Variants in CREB5 observed in about 807,000 individuals in gnomAD.
The protein encoded by CREB5 is cyclic AMP-responsive element-binding protein 5.
In CREB5, 19 loss-of-function variants were observed where a neutral mutation model predicts 57.1. The ratio of observed to expected loss-of-function variants is 0.33; its 90% CI spans 0.23 to 0.49. CREB5 has a LOEUF of 0.49. Among genes scored for constraint, CREB5 ranks in the 20% least tolerant of loss-of-function variants. CREB5 has a pLI of 0.99. For missense variants in CREB5, 579 were observed against 671.6 expected (o/e 0.86, Z 1.52); for synonymous variants, 238 against 238.3 (o/e 1.00, Z 0.01).
intron 1 of CREB5, among the ~76,000 whole-genome samples, chr7:28,352,713 A>G (rs920956345): frequency 1.3e-5 from 2 of 152,200 alleles, no homozygotes; most frequent in Non-Finnish European, 2.9e-5. Flanking sequence ...TTATAGTAGG[A>G]AGACTTTTGC....
intron 1 of CREB5, among the ~76,000 whole-genome samples, chr7:28,477,673 A>T (rs2128587465): frequency 1.3e-5 from 2 of 152,324 alleles, no homozygotes; most frequent in Middle Eastern, 6.8e-3. Flanking sequence ...GTGGGGTTCA[A>T]GGAAAAGGCC....
rs1165316440 is a variant in CREB5, at chr7:28,560,870, G to A, written c.292-9495G>A. On this transcript the variant is annotated intron_variant, in intron 4 of 10. Coordinates refer to ENST00000357727, the MANE Select transcript of CREB5 (RefSeq NM_182898.4). ...CGCGTGTGTGTGTGCGTGTGCCTGC[G>A]TGCGCGTGCGTGCGTGCGTGTGTGT... Among the ~76,000 whole-genome samples, 9 of 52,328 alleles carry A rather than the reference G, an allele frequency of 1.7e-4. 1 individual carries two copies. Among genetic ancestry groups the A allele is most frequent in the African/African-American group, 7.8e-4 (7 of 8,950 alleles). 34.3% of individuals were successfully genotyped at this position (52,328 alleles called of 152,430 possible).
intron 1 of CREB5, among the ~76,000 whole-genome samples, chr7:28,392,695 T>C (rs1787246157): frequency 6.6e-6 from 1 of 152,192 alleles, no homozygotes; most frequent in African/African-American, 2.4e-5. Context: ...TAGAGTGATC[T>C]GATAGTTCAT....
At chr7:28,323,272 T>C (rs142668074) in intron 1 of CREB5, among the ~76,000 whole-genome samples, 144 of 152,330 alleles carry the variant, frequency 9.5e-4, no homozygotes, top group African/African-American at 3.3e-3. Context: ...TCACTTTAAA[T>C]CCTTGCCCTC....
intron 5 of CREB5, among the ~76,000 whole-genome samples, chr7:28,593,299 A>T (rs1796588459): frequency 6.6e-6 from 1 of 152,040 alleles, no homozygotes; most frequent in Non-Finnish European, 1.5e-5. Context: ...CTCAGGACGG[A>T]GTTCAGTGGC....
chr7:28,701,700 A>G (rs968007866), intron 5 of CREB5, among the ~76,000 whole-genome samples: 7 of 152,324 alleles, frequency 4.6e-5, no homozygotes, highest in Admixed American at 4.6e-4. Flanking sequence ...TATGACATCA[A>G]ATGATAGTTA....
chr7:28,731,797 T>G (rs915415696), intron 7 of CREB5, among the ~76,000 whole-genome samples: 1 of 152,222 alleles, frequency 6.6e-6, no homozygotes, highest in African/African-American at 2.4e-5. Flanking sequence ...TTCCCTTCTA[T>G]GTCAACTGGG....
intron 10 of CREB5, 49 bp from the exon 11 acceptor site, chr7:28,819,067 A>G (rs760809190): frequency 1.9e-6 from 3 of 1,569,082 alleles, no homozygotes; most frequent in Non-Finnish European, 1.7e-6. Flanking sequence ...AAAAAGACCT[A>G]TATTGGTGTG....
chr7:28,800,333 T>C (rs1808289019), intron 7 of CREB5, among the ~76,000 whole-genome samples: 1 of 151,940 alleles, frequency 6.6e-6, no homozygotes, highest in Admixed American at 6.5e-5. Context: ...GCCCCATGTC[T>C]GGAGGGTGCA....
rs1214610121 is a variant in CREB5 at position 28,819,598 on chromosome 7, G to T, written c.*319G>T. The T allele has an allele frequency of 1.0e-5, 2 of 199,192 alleles. No homozygotes were observed. The highest frequency in any genetic ancestry group is 2.5e-4 in the East Asian group (2 of 7,852). 12.3% of individuals were successfully genotyped at this position (199,192 alleles called of 1,614,324 possible). ...TTCATTCTTATCAGTCCAACCCTTT[G>T]CCTGAAACATTGAATCTTGTTAAAC... On this transcript the variant is annotated 3_prime_UTR_variant, in exon 11 of 11. Transcript: ENST00000357727.
intron 1 of CREB5, among the ~76,000 whole-genome samples, chr7:28,352,236 T>C (rs1462504847): frequency 6.6e-6 from 1 of 152,224 alleles, no homozygotes; most frequent in Admixed American, 6.5e-5. Flanking sequence ...TCCTCCATAA[T>C]GATCTGCACT....
intron 1 of CREB5, among the ~76,000 whole-genome samples, chr7:28,421,804 A>G (rs1291681813): frequency 1.3e-5 from 2 of 148,740 alleles, no homozygotes; most frequent in African/African-American, 2.5e-5. Flanking sequence ...ATATATACAC[A>G]CACCATATAT....
intron 1 of CREB5, among the ~76,000 whole-genome samples, chr7:28,456,556 A>G (rs1365933703): frequency 6.6e-6 from 1 of 151,850 alleles, no homozygotes; most frequent in African/African-American, 2.4e-5. Context: ...TGGGGGTACT[A>G]CTCCTCCAGC....
chr7:28,421,584 A>T lies in CREB5; in HGVS notation c.3+8667A>T, dbSNP rs1454818457. The stretch of plus-strand genomic sequence containing the variant: ...GTGATGTGATTTTGACACATAGGAG[A>T]ATCCAGGGTAGCTAAAAGCTAGGCA... On this transcript the variant is annotated intron_variant, in intron 1 of 10. Transcript: ENST00000357727. Among the ~76,000 whole-genome samples the T allele has an allele frequency of 3.3e-5, 5 of 151,938 alleles. No homozygotes were observed. In the East Asian group the frequency reaches 9.7e-4, roughly 29 times the overall value.
chr7:28,647,099 G>A (rs764333149), intron 5 of CREB5, among the ~76,000 whole-genome samples: 6 of 151,976 alleles, frequency 3.9e-5, no homozygotes, highest in Non-Finnish European at 8.8e-5. Flanking sequence ...CCCCGAATTA[G>A]CCAGAGACTG....
chr7:28,371,491 C>CAAAAAAA (rs5883125), intron 1 of CREB5, among the ~76,000 whole-genome samples: 1 of 77,178 alleles, frequency 1.3e-5, no homozygotes, highest in Non-Finnish European at 2.6e-5. Context: ...TACTCCATCT[C>CAAAAAAA]AAAAAAAAAA....
intron 4 of CREB5, among the ~76,000 whole-genome samples, chr7:28,526,861 C>G (rs1044623549): frequency 6.6e-6 from 1 of 152,218 alleles, no homozygotes; most frequent in African/African-American, 2.4e-5. Flanking sequence ...TGTTTTCTTT[C>G]TTTGTCAGAA....
intron 1 of CREB5, among the ~76,000 whole-genome samples, chr7:28,323,869 G>C (rs140180420): frequency 0.15 from 23,269 of 152,138 alleles, 2,293 homozygotes; most frequent in East Asian, 0.34. Flanking sequence ...CAAATAGATG[G>C]TCCCATCTGG....
At chr7:28,692,004 A>C (rs1801290334) in intron 5 of CREB5, among the ~76,000 whole-genome samples, 1 of 137,316 alleles carries the variant, frequency 7.3e-6, no homozygotes, top group African/African-American at 2.9e-5. Context: ...CCCCCTCTCT[A>C]CTAAAATACA....
Sources: gnomAD v4.1 joint callset for allele counts (sites outside exome capture counted in the v4.1 genomes callset) on GRCh38, gnomAD v4.1.1 for gene constraint, MANE v1.5 for transcripts, NCBI Gene and HGNC (gene_info 2026-07-23, HGNC 2026-07-21) for gene names.